LRRC4C: variants seen among roughly 807,000 people sequenced by gnomAD.
LRRC4C encodes the protein leucine-rich repeat-containing protein 4C.
LRRC4C carries 5 observed loss-of-function variants against 33.6 expected under a neutral mutation model. The observed-to-expected ratio is 0.15, with a 90% CI of 0.08 to 0.31. The LOEUF (loss-of-function observed/expected upper bound fraction) is 0.31, where lower values mean the gene tolerates loss of function less well. Ranked by LOEUF, LRRC4C falls within the 10% of genes least tolerant of loss-of-function variation. LRRC4C has a pLI of 1.00. For missense variants in LRRC4C, 560 were observed against 796.7 expected (o/e 0.70, Z 3.58); for synonymous variants, 329 against 302.0 (o/e 1.09, Z -0.93).
intron 1 of LRRC4C, among the ~76,000 whole-genome samples, chr11:41,322,092 T>C (rs1347832083): frequency 1.3e-5 from 2 of 152,160 alleles, no homozygotes; most frequent in African/African-American, 4.8e-5. Flanking sequence ...CTGGAACTCC[T>C]GGCCTCAGGT....
chr11:41,324,065 C>A (rs1951034717), intron 1 of LRRC4C, among the ~76,000 whole-genome samples: 2 of 152,256 alleles, frequency 1.3e-5, no homozygotes, highest in South Asian at 2.1e-4. Flanking sequence ...GTTTAAAGTG[C>A]AGACCTCAAA....
At chr11:41,287,138 C>T (rs1201665748) in intron 1 of LRRC4C, among the ~76,000 whole-genome samples, 1 of 152,116 alleles carries the variant, frequency 6.6e-6, no homozygotes, top group African/African-American at 2.4e-5. Context: ...AACCTTCTAA[C>T]AATTTTCATT....
intron 1 of LRRC4C, among the ~76,000 whole-genome samples, chr11:41,252,838 C>T (rs549469262): frequency 6.6e-6 from 1 of 152,172 alleles, no homozygotes; most frequent in African/African-American, 2.4e-5. Flanking sequence ...CAGGGGAACT[C>T]CCTTTATAAA....
At chr11:40,754,848 TTA>T (rs1205468978) in intron 2 of LRRC4C, among the ~76,000 whole-genome samples, 1 of 152,118 alleles carries the variant, frequency 6.6e-6, no homozygotes, top group Non-Finnish European at 1.5e-5. Flanking sequence ...TTTTATATTT[TTA>T]TGTTTTCATA....
chr11:40,998,134 T>G (rs1565285596), intron 1 of LRRC4C, among the ~76,000 whole-genome samples: 2 of 152,066 alleles, frequency 1.3e-5, no homozygotes, highest in African/African-American at 4.8e-5. Context: ...AATTCTAAAT[T>G]TATTGTTACT....
intron 2 of LRRC4C, among the ~76,000 whole-genome samples, chr11:40,717,973 G>C (rs967360856): frequency 6.6e-6 from 1 of 152,172 alleles, no homozygotes; most frequent in Non-Finnish European, 1.5e-5. Context: ...TAAAAATCTA[G>C]AGACACGTGT....
At chr11:40,660,191 G>A (rs1043029844) in intron 2 of LRRC4C, among the ~76,000 whole-genome samples, 1 of 152,206 alleles carries the variant, frequency 6.6e-6, no homozygotes, top group African/African-American at 2.4e-5. Context: ...GGAGCTGCCT[G>A]CCCCACCACA....
At chr11:41,360,773 C>T (rs1181623409) in intron 1 of LRRC4C, among the ~76,000 whole-genome samples, 1 of 152,148 alleles carries the variant, frequency 6.6e-6, no homozygotes, top group Non-Finnish European at 1.5e-5. Context: ...AAGGGTGGCT[C>T]ATGAGGAGAC....
intron 3 of LRRC4C, among the ~76,000 whole-genome samples, chr11:40,569,054 T>C (rs1375606497): frequency 6.6e-6 from 1 of 152,172 alleles, no homozygotes; most frequent in Non-Finnish European, 1.5e-5. Context: ...AGCCGAGACA[T>C]GCAAGACACA....
chr11:41,231,075 T>C (rs900223569), intron 1 of LRRC4C, among the ~76,000 whole-genome samples: 7 of 152,110 alleles, frequency 4.6e-5, no homozygotes, highest in East Asian at 1.9e-4. Context: ...TACCATCTCA[T>C]GTCAGTTAGA....
At chr11:40,326,869 A>C (rs1479552948) in intron 3 of LRRC4C, among the ~76,000 whole-genome samples, 1 of 152,184 alleles carries the variant, frequency 6.6e-6, no homozygotes, top group Non-Finnish European at 1.5e-5. Context: ...TGGATTGTAA[A>C]GGTAAGATTG....
intron 1 of LRRC4C, among the ~76,000 whole-genome samples, chr11:41,224,042 T>G (rs1590982856): frequency 6.6e-6 from 1 of 152,300 alleles, no homozygotes; most frequent in East Asian, 1.9e-4. Context: ...ATATAATGCT[T>G]TTTCATAATT....
At chr11:40,342,831 T>A (rs1388606820) in intron 3 of LRRC4C, among the ~76,000 whole-genome samples, 2 of 152,150 alleles carry the variant, frequency 1.3e-5, no homozygotes, top group East Asian at 1.9e-4. Flanking sequence ...TTGCTAATCA[T>A]ACTATGAAAT....
At chr11:40,771,040 C>T (rs766081094) in intron 2 of LRRC4C, among the ~76,000 whole-genome samples, 4 of 152,204 alleles carry the variant, frequency 2.6e-5, no homozygotes, top group African/African-American at 9.6e-5. Context: ...CTATGCTATT[C>T]CTTAGTGGGG....
chr11:40,401,470 T>G (rs538927828), intron 3 of LRRC4C, among the ~76,000 whole-genome samples: 1 of 152,246 alleles, frequency 6.6e-6, no homozygotes, highest in South Asian at 2.1e-4. Context: ...TGAGTACCTT[T>G]GGTAATTGGC....
chr11:41,262,114 A>G (rs1949001360), intron 1 of LRRC4C, among the ~76,000 whole-genome samples: 1 of 152,098 alleles, frequency 6.6e-6, no homozygotes, highest in Admixed American at 6.6e-5. Context: ...TATTTTTATA[A>G]CAAATCTAGT....
chr11:40,495,813 GTTTTT>G (rs77683172), intron 3 of LRRC4C, among the ~76,000 whole-genome samples: 32 of 67,008 alleles, frequency 4.8e-4, no homozygotes, highest in African/African-American at 5.7e-4. Context: ...CAATAAACAT[GTTTTT>G]TTTTTTTTTT....
At chr11:41,113,175 A>AT (rs939738424) in intron 1 of LRRC4C, among the ~76,000 whole-genome samples, 12 of 151,570 alleles carry the variant, frequency 7.9e-5, no homozygotes, top group Non-Finnish European at 1.2e-4. Context: ...ATAAGTCAGT[A>AT]TTTTTTTTTC....
chr11:40,945,606 G>A (rs1160880407), intron 1 of LRRC4C, among the ~76,000 whole-genome samples: 2 of 152,188 alleles, frequency 1.3e-5, no homozygotes, highest in African/African-American at 4.8e-5. Flanking sequence ...CAAATTCGCT[G>A]ACAAGTCTTG....
Sources: gnomAD v4.1 joint callset for allele counts (sites outside exome capture counted in the v4.1 genomes callset) on GRCh38, gnomAD v4.1.1 for gene constraint, MANE v1.5 for transcripts, NCBI Gene and HGNC (gene_info 2026-07-23, HGNC 2026-07-21) for gene names.